The following SLC44A2 variants were observed in gnomAD, a reference collection of about 807,000 sequenced individuals.
SLC44A2 encodes the protein solute carrier family 44 member 2 (CTL2 blood group).
A neutral mutation model predicts 90.8 loss-of-function variants in SLC44A2; 57 were observed. The observed-to-expected ratio is 0.63, with a 90% CI of 0.51 to 0.78. The LOEUF (loss-of-function observed/expected upper bound fraction) is 0.78. Ranked by LOEUF, SLC44A2 falls within the 30% of genes least tolerant of loss-of-function variation. The probability of loss-of-function intolerance (pLI) is 0.00; values close to 1 mark genes in which losing one functional copy is unlikely to be tolerated. For synonymous variants in SLC44A2, 355 were observed against 360.7 expected (o/e 0.98, Z 0.18); for missense variants, 794 against 919.7 (o/e 0.86, Z 1.77).
At chr19:10,631,568 T>G (rs753542585) in intron 7 of SLC44A2, 33 bp downstream of exon 7, 1 of 1,614,014 alleles carries the variant, frequency 6.2e-7, no homozygotes, top group Non-Finnish European at 8.5e-7. Context: ...GCTCAGGTGG[T>G]GACGGGGAGG....
chr19:10,627,019 AT>A (rs1176561485), intron 2 of SLC44A2, among the ~76,000 whole-genome samples: 7 of 151,784 alleles, frequency 4.6e-5, no homozygotes, highest in African/African-American at 7.3e-5. Flanking sequence ...TCAAAAAAAA[AT>A]AACAAAAAAA....
chr19:10,638,109 C>T lies in SLC44A2; in HGVS notation c.1840+16C>T, dbSNP rs1373705733. On this transcript the variant is annotated intron_variant, in intron 19 of 21. Coordinates refer to ENST00000335757, the MANE Select transcript of SLC44A2 (RefSeq NM_020428.4). ...GGTAGTGTGGGTGAGTGCCGCCCAC[C>T]TAGCCTCTCGGGGTGTGGGAGCCTG... is the stretch of plus-strand genomic sequence containing the variant. 1.2e-6 allele frequency: 2 copies of T among 1,613,748 alleles called. No homozygotes were observed. The highest frequency in any genetic ancestry group is 1.7e-6 in the Non-Finnish European group (2 of 1,179,842).
chr19:10,641,827 C>T (rs2067119106), intron 20 of SLC44A2, among the ~76,000 whole-genome samples: 1 of 148,662 alleles, frequency 6.7e-6, no homozygotes, highest in Non-Finnish European at 1.5e-5. Context: ...GCCTGGGCTA[C>T]AGAGTGAGAC....
Position 10,631,608 on chromosome 19 carries a change from A to G in SLC44A2, c.503-18A>G, listed in dbSNP as rs777795867. The G allele has an allele frequency of 6.2e-7, 1 of 1,613,968 alleles. No homozygotes were observed. The highest frequency in any genetic ancestry group is 8.5e-7 in the Non-Finnish European group (1 of 1,180,010). On this transcript the variant is annotated intron_variant, in intron 7 of 21. Transcript: ENST00000335757. ...GCAGAGGCTCAGCCTGACTGGTGCC[A>G]TCCTCTGCTCCATGCAGTGGCCCGG...
chr19:10,611,270 G>T (rs1012388034), intron 1 of SLC44A2, among the ~76,000 whole-genome samples: 4 of 151,902 alleles, frequency 2.6e-5, no homozygotes, highest in African/African-American at 7.3e-5. Flanking sequence ...TGACCAAGAT[G>T]GTGAAACCCC....
intron 4 of SLC44A2, among the ~76,000 whole-genome samples, chr19:10,629,516 T>A (rs1415165692): frequency 6.6e-6 from 1 of 150,862 alleles, no homozygotes; most frequent in African/African-American, 2.4e-5. Flanking sequence ...GACCTCAGGT[T>A]ATCTGCCTGC....
At chr19:10,611,963 C>G (rs1918315853) in intron 1 of SLC44A2, among the ~76,000 whole-genome samples, 1 of 152,178 alleles carries the variant, frequency 6.6e-6, no homozygotes, top group Non-Finnish European at 1.5e-5. Context: ...GAATCTTCTA[C>G]AAATCTTTGG....
intron 1 of SLC44A2, among the ~76,000 whole-genome samples, chr19:10,616,391 C>T (rs1384745600): frequency 6.6e-6 from 1 of 151,906 alleles, no homozygotes; most frequent in African/African-American, 2.4e-5. Flanking sequence ...TCACCACGCC[C>T]AGTTAATTTT....
chr19:10,609,328 CTT>C (rs1198398030), intron 1 of SLC44A2, among the ~76,000 whole-genome samples: 3 of 151,696 alleles, frequency 2.0e-5, no homozygotes, highest in Non-Finnish European at 4.4e-5. Context: ...AAGACAGAAT[CTT>C]GCTCTGTCGC....
rs2067080740 is a variant in SLC44A2, at chr19:10,638,281, C to T, written c.1895C>T (p.Ala632Val). Reference sequence around the variant, plus strand: ...CGTATCAGGATCGTGCAGGATACAGCACCACCCCTCAATTATTACTGGGTT... The same window carrying T: ...CGTATCAGGATCGTGCAGGATACAGTACCACCCCTCAATTATTACTGGGTT... ...THRIRIVQDT[A>V]PPLNYYWVPI... Residue 632 changes from alanine (A) to valine (V), a missense_variant, in exon 20 of 22, where the codon GCA becomes GTA. Physicochemically the swap from Ala to Val is moderately conservative, Grantham distance 64. Transcript: ENST00000335757. The T allele has an allele frequency of 6.2e-7, 1 of 1,614,126 alleles. No individual in the cohort carries two copies. The highest frequency in any genetic ancestry group is 1.1e-5 in the South Asian group (1 of 91,082).
chr19:10,602,821 C>G (rs1050282553), intron 1 of SLC44A2, among the ~76,000 whole-genome samples: 3 of 152,156 alleles, frequency 2.0e-5, no homozygotes, highest in African/African-American at 7.2e-5. Flanking sequence ...GGGGAGGTCC[C>G]GTTATCTGGG....
At chr19:10,616,595 T>C (rs1411259111) in intron 1 of SLC44A2, among the ~76,000 whole-genome samples, 1 of 151,964 alleles carries the variant, frequency 6.6e-6, no homozygotes, top group Non-Finnish European at 1.5e-5. Context: ...CCTGGCATAG[T>C]GGCTCACGCC....
chr19:10,614,260 C>G (rs909860684), intron 1 of SLC44A2, among the ~76,000 whole-genome samples: 5 of 152,220 alleles, frequency 3.3e-5, no homozygotes, highest in African/African-American at 1.2e-4. Flanking sequence ...AGCCACCGCA[C>G]CCGTCCATAA....
At chr19:10,641,448 A>T in intron 20 of SLC44A2, 1 of 435,282 alleles carries the variant, frequency 2.3e-6, no homozygotes, top group Non-Finnish European at 4.5e-6. Flanking sequence ...GGTTTCCTGG[A>T]GGAGGTGGGA....
chr19:10,621,439 T>G (rs1439229050), upstream of SLC44A2, among the ~76,000 whole-genome samples: 4 of 145,072 alleles, frequency 2.8e-5, no homozygotes, highest in African/African-American at 5.1e-5. Context: ...TTTTTTTTTT[T>G]TTGGTTTTTG....
At chr19:10,617,054 T>A (rs1394035184) in intron 1 of SLC44A2, among the ~76,000 whole-genome samples, 1 of 152,284 alleles carries the variant, frequency 6.6e-6, no homozygotes, top group East Asian at 1.9e-4. Flanking sequence ...CCTTAGTAGC[T>A]GAGACTACAG....
chr19:10,635,342 G>C (rs2067042390), intron 13 of SLC44A2, 87 bp downstream of exon 13: 2 of 1,604,432 alleles, frequency 1.2e-6, no homozygotes, highest in Non-Finnish European at 1.7e-6. Context: ...TAGGGATAGG[G>C]CTGGAAACTG....
chr19:10,608,769 C>A (rs926088931), intron 1 of SLC44A2, among the ~76,000 whole-genome samples: 1 of 151,690 alleles, frequency 6.6e-6, no homozygotes, highest in African/African-American at 2.4e-5. Context: ...CCTGCCTCAG[C>A]CTCCCAAGGA....
rs2067003338 is a variant in SLC44A2, at chr19:10,632,126, A to C, written c.793A>C (p.Ile265Leu). 1 of 1,613,898 alleles carries C rather than the reference A, an allele frequency of 6.2e-7. No individual in the cohort carries two copies. The highest frequency in any genetic ancestry group is 1.3e-5 in the African/African-American group (1 of 74,932). The change falls in exon 10 of 22, where the codon ATC (isoleucine) becomes CTC (leucine). Residue 265 changes from isoleucine to leucine, a missense_variant. Around this residue, in one of 3 missense-constraint regions of SLC44A2, gnomAD observed 738 missense variants for 841.1 expected, o/e 0.88. Transcript: ENST00000335757. ...GGCTGGTATTATGGTCTGGGTGATG[A>C]TCATCATGGTGATTCTGGTGCTGGG... ...FLAGIMVWVMIIMVILVLGYG... is the reference protein window; with the variant it reads ...FLAGIMVWVMLIMVILVLGYG...
Sources: allele counts gnomAD v4.1 joint callset (sites outside exome capture counted in the v4.1 genomes callset), GRCh38; gene constraint gnomAD v4.1.1; regional missense constraint gnomAD v4.1.1; transcripts MANE v1.5; gene names NCBI Gene and HGNC (gene_info 2026-07-23, HGNC 2026-07-21).